Variants in RTN4 observed in about 807,000 individuals in gnomAD.
RTN4 encodes the protein reticulon 4, also known as reticulon-4.
In RTN4, 32 loss-of-function variants were observed where a neutral mutation model predicts 90.4. The ratio of observed to expected loss-of-function variants is 0.35; its 90% CI spans 0.27 to 0.48. The LOEUF is 0.48. Ranked by LOEUF, RTN4 falls within the 20% of genes least tolerant of loss-of-function variation. The pLI, the probability that RTN4 is intolerant of heterozygous loss-of-function variation, is 0.99. For missense variants in RTN4, 1,706 were observed against 1,430.2 expected, an observed-to-expected ratio of 1.19 and a Z score of -3.11; for synonymous variants, 629 against 552.5, an observed-to-expected ratio of 1.14 and a Z score of -1.94.
intron 1 of RTN4, among the ~76,000 whole-genome samples, chr2:55,030,774 G>A (rs1007809363): frequency 6.6e-6 from 1 of 152,162 alleles, no homozygotes. Flanking sequence ...TTCATCTTCT[G>A]AAGGATGTAT....
chr2:55,066,234 G>C, intron 2 of RTN4, among the ~76,000 whole-genome samples: 1 of 148,842 alleles, frequency 6.7e-6, no homozygotes, highest in East Asian at 2.0e-4. Context: ...TGTTTTAATA[G>C]CTACATGTTT....
At chr2:55,093,128 G>A (rs1668970602) in intron 1 of RTN4, among the ~76,000 whole-genome samples, 1 of 152,150 alleles carries the variant, frequency 6.6e-6, no homozygotes, top group Admixed American at 6.6e-5. Flanking sequence ...GATAGCTTAT[G>A]ATGCACATTC....
Position 55,025,410 on chromosome 2 carries a change from T to C in RTN4, c.2689A>G (p.Lys897Glu). Residue 897 changes from lysine to glutamate, a missense_variant, in exon 3 of 9, where the codon AAA (lysine) becomes GAA (glutamate). Lys to Glu is a moderately conservative substitution (Grantham distance 56, BLOSUM62 1). Transcript: ENST00000337526. ...REYTDLEVSH[K>E]SEIANAPDGA... ...TCCGGGGCATTAGCAATTTCACTTTTGTGGGATACTTCTAGGTCAGTATAT... is the reference window on the plus strand; with the variant it reads ...TCCGGGGCATTAGCAATTTCACTTTCGTGGGATACTTCTAGGTCAGTATAT... The C allele has an allele frequency of 1.2e-6, 2 of 1,613,958 alleles. No homozygotes were observed. The highest frequency in any genetic ancestry group is 1.7e-4 in the Middle Eastern group (1 of 6,058).
chr2:55,125,712 G>A, the RTN4 span, among the ~76,000 whole-genome samples: 18 of 152,214 alleles, frequency 1.2e-4, no homozygotes, highest in Non-Finnish European at 2.1e-4. Context: ...GTTGCAGTGA[G>A]CCAAGATCTC....
chr2:55,036,219 T>C (rs1240184204), intron 1 of RTN4, among the ~76,000 whole-genome samples: 1 of 152,178 alleles, frequency 6.6e-6, no homozygotes, highest in Non-Finnish European at 1.5e-5. Context: ...AATAAAATAG[T>C]AGCAGATTGA....
chr2:55,016,884 G>A (rs1019500553), intron 3 of RTN4, among the ~76,000 whole-genome samples: 1 of 152,098 alleles, frequency 6.6e-6, no homozygotes, highest in African/African-American at 2.4e-5. Flanking sequence ...CAGTGAAAGG[G>A]TCAGAATTAG....
At chr2:54,987,012 G>T (rs979896853) in intron 4 of RTN4, among the ~76,000 whole-genome samples, 12 of 151,910 alleles carry the variant, frequency 7.9e-5, no homozygotes, top group Non-Finnish European at 1.6e-4. Context: ...CTGAAATAAA[G>T]CTCTCCAAAA....
chr2:54,996,206 G>T (rs951811180), intron 3 of RTN4, among the ~76,000 whole-genome samples: 1 of 152,088 alleles, frequency 6.6e-6, no homozygotes, highest in Non-Finnish European at 1.5e-5. Context: ...AATTAAAGAT[G>T]ACTTAAATAA....
At chr2:55,085,547 G>A (rs549301262) in intron 1 of RTN4, among the ~76,000 whole-genome samples, 1 of 152,224 alleles carries the variant, frequency 6.6e-6, no homozygotes, top group East Asian at 1.9e-4. Flanking sequence ...TCATAATAAA[G>A]GGGAATCTGT....
chr2:55,124,534 A>T, the RTN4 span, among the ~76,000 whole-genome samples: 1 of 152,240 alleles, frequency 6.6e-6, no homozygotes, highest in Non-Finnish European at 1.5e-5. Context: ...TACAATGAGA[A>T]TTACAAAACA....
Position 54,973,565 on chromosome 2 carries a change from A to C in RTN4, c.3534T>G (p.Ala1178=). The C allele has an allele frequency of 6.2e-7, 1 of 1,603,892 alleles. No homozygotes were observed. The highest frequency in any genetic ancestry group is 8.5e-7 in the Non-Finnish European group (1 of 1,170,828). The change falls in exon 8 of 9, where the codon GCT becomes GCG. Residue 1178 remains alanine, a splice_region_variant and synonymous_variant. Coordinates refer to ENST00000337526, the MANE Select transcript of RTN4 (RefSeq NM_020532.5). ...LANKNVKDAM[A]KIQAKIPGLK... is the part of the protein sequence containing the mutation. Reference sequence around the variant, plus strand: ...CACTGCAGATTTTAAATACTTACTTAGCCATAGCATCTTTAACATTCTTAT... The same window carrying C: ...CACTGCAGATTTTAAATACTTACTTCGCCATAGCATCTTTAACATTCTTAT...
chr2:55,013,061 T>A (rs971595252), intron 3 of RTN4, among the ~76,000 whole-genome samples: 1 of 152,186 alleles, frequency 6.6e-6, no homozygotes, highest in African/African-American at 2.4e-5. Flanking sequence ...TTTTGACTAT[T>A]TGAGACAGGA....
chr2:55,025,063 A>G (rs757374131), intron 3 of RTN4, 23 bp downstream of exon 3: 5 of 1,564,778 alleles, frequency 3.2e-6, no homozygotes, highest in Non-Finnish European at 4.3e-6. Context: ...TGAAAGCACA[A>G]AACTGCATAT....
At chr2:55,042,445 G>A (rs1272932685) in intron 1 of RTN4, among the ~76,000 whole-genome samples, 2 of 152,122 alleles carry the variant, frequency 1.3e-5, no homozygotes, top group Non-Finnish European at 2.9e-5. Flanking sequence ...AGAGTCCTCT[G>A]CATCTATTTT....
At chr2:54,983,088 G>C (rs1678274220) in intron 4 of RTN4, among the ~76,000 whole-genome samples, 1 of 145,356 alleles carries the variant, frequency 6.9e-6, no homozygotes, top group Non-Finnish European at 1.5e-5. Flanking sequence ...TCTTAAAGTT[G>C]ACACTATGTT....
intron 3 of RTN4, among the ~76,000 whole-genome samples, chr2:55,009,807 G>C (rs1387771599): frequency 6.6e-6 from 1 of 152,130 alleles, no homozygotes; most frequent in East Asian, 1.9e-4. Context: ...AATGAAATCT[G>C]TTAGATCTAT....
chr2:55,050,301 G>T lies in RTN4; in HGVS notation c.-1C>A. 7.0e-7 allele frequency: 1 copy of T among 1,423,764 alleles called. No homozygotes were observed. Among genetic ancestry groups the T allele is most frequent in the Non-Finnish European group, 9.2e-7 (1 of 1,088,540 alleles). The allele number at this position is 1,423,764 out of a possible 1,614,324, so 88.2% of individuals were successfully genotyped here. On this transcript the variant is annotated 5_prime_UTR_variant, in exon 1 of 9. Coordinates refer to ENST00000337526, the MANE Select transcript of RTN4 (RefSeq NM_020532.5). This position sits in a 1 kb window ranked among gnomAD's most constrained non-coding sequence, Gnocchi z 4.6. ...GAGGAGACTGGTCCAGGTCTTCCAT[G>T]GCTGGAGGGTGGAGATGATGCTGCA...
chr2:55,023,770 C>A (rs943742743), intron 3 of RTN4, among the ~76,000 whole-genome samples: 1 of 152,158 alleles, frequency 6.6e-6, no homozygotes, highest in Admixed American at 6.5e-5. Flanking sequence ...TCATTCACTT[C>A]TCAATCCTAG....
At chr2:55,071,683 C>G (rs1213364928) in intron 2 of RTN4, among the ~76,000 whole-genome samples, 4 of 151,964 alleles carry the variant, frequency 2.6e-5, no homozygotes, top group African/African-American at 9.7e-5. Flanking sequence ...TTTAGCAAAC[C>G]ATAGCCCATA....
Sources: allele counts gnomAD v4.1 joint callset (sites outside exome capture counted in the v4.1 genomes callset), GRCh38; gene constraint gnomAD v4.1.1; non-coding constraint Gnocchi (gnomAD v3.1); transcripts MANE v1.5; gene names NCBI Gene and HGNC (gene_info 2026-07-23, HGNC 2026-07-21).